VPS13B: variants seen among roughly 807,000 people sequenced by gnomAD.
VPS13B encodes intermembrane lipid transfer protein VPS13B.
Under a neutral mutation model 426.4 loss-of-function variants are expected in VPS13B, and 285 were observed. The ratio of observed to expected loss-of-function variants is 0.67; its 90% CI spans 0.61 to 0.74. The LOEUF (loss-of-function observed/expected upper bound fraction) is 0.74. VPS13B is among the 30% of genes least tolerant of loss of function. The pLI is 0.00. For synonymous variants in VPS13B, 1,676 were observed against 1,676.4 expected, an observed-to-expected ratio of 1.00 and a Z score of 0.01; for missense variants, 4,537 against 4,782.6, an observed-to-expected ratio of 0.95 and a Z score of 1.51.
rs35822371 is a variant in VPS13B at position 99,034,414 on chromosome 8, GT to G, written c.148-3995del. 4.5e-4 allele frequency among the ~76,000 whole-genome samples: 65 copies of G among 144,620 alleles called. 1 individual carries two copies. The highest frequency in any genetic ancestry group is 6.9e-3 in the Middle Eastern group (2 of 288). The allele number at this position is 144,620 out of a possible 152,430, so 94.9% of individuals were successfully genotyped here. A position where few individuals can be genotyped will look rare whatever the true frequency, so the allele number is the denominator to read the frequency against. On this transcript the variant is annotated intron_variant, in intron 2 of 61. Transcript: ENST00000357162. ...TTCAAAGTCAGGAGATTATAAGTCT[GT>G]TTTTTTTTTTTTTAAATTCTCTATG...
Position 99,871,436 on chromosome 8 carries a change from C to T in VPS13B, c.11496-12C>T, listed in dbSNP as rs774422964. ...AGCTGGCCCCTGGCCTCACTTTTCT[C>T]CTTTTAAACAGGAAAATGCTTCAGT... On this transcript the variant is annotated splice_polypyrimidine_tract_variant and intron_variant, in intron 60 of 61. Coordinates refer to ENST00000357162, the MANE Select transcript of VPS13B (RefSeq NM_152564.5). The T allele has an allele frequency of 2.5e-6, 4 of 1,614,138 alleles. No homozygotes were observed. Among genetic ancestry groups the T allele is most frequent in the South Asian group, 2.2e-5 (2 of 91,074 alleles).
chr8:99,867,018 T>A (rs894641616), intron 58 of VPS13B, among the ~76,000 whole-genome samples: 2 of 152,160 alleles, frequency 1.3e-5, no homozygotes, highest in Non-Finnish European at 2.9e-5. Context: ...TTGCCTCAGG[T>A]CATTCTGAAT....
At chr8:99,810,361 A>G (rs990292958) in intron 44 of VPS13B, among the ~76,000 whole-genome samples, 1 of 152,354 alleles carries the variant, frequency 6.6e-6, no homozygotes, top group African/African-American at 2.4e-5. Flanking sequence ...TTTGTGGGAC[A>G]TGATAGAAAC....
intron 17 of VPS13B, among the ~76,000 whole-genome samples, chr8:99,209,291 A>C (rs1024736270): frequency 8.1e-5 from 12 of 148,272 alleles, no homozygotes; most frequent in Admixed American, 5.4e-4. Context: ...CAAAAAAAAA[A>C]CAAAACAAAA....
At chr8:99,627,273 A>G (rs75634793) in intron 33 of VPS13B, among the ~76,000 whole-genome samples, 6,949 of 152,240 alleles carry the variant, frequency 0.046, 172 homozygotes, top group East Asian at 0.06. Context: ...TTTCAAATGT[A>G]TCACCATAAA....
At position 99,699,640 on chromosome 8, in the gene VPS13B, T is replaced by C; in HGVS notation, c.6162T>C (p.Ser2054=). The C allele has an allele frequency of 6.2e-7, 1 of 1,614,142 alleles. No homozygotes were observed. Among genetic ancestry groups the C allele is most frequent in the Non-Finnish European group, 8.5e-7 (1 of 1,180,022 alleles). The change falls in exon 36 of 62, where the codon AGT becomes AGC. Residue 2054 remains serine, a synonymous_variant. Transcript: ENST00000357162. Reference sequence around the variant, plus strand: ...AAAATGCACACAGTTTGGCACATAGTGAAGAGACTTCAGCCATGTCCAACA... The same window carrying C: ...AAAATGCACACAGTTTGGCACATAGCGAAGAGACTTCAGCCATGTCCAACA... ...KIKNAHSLAH[S]EETSAMSNTM...
At chr8:99,079,501 G>C (rs1845328315) in intron 3 of VPS13B, among the ~76,000 whole-genome samples, 1 of 152,096 alleles carries the variant, frequency 6.6e-6, no homozygotes, top group African/African-American at 2.4e-5. Flanking sequence ...TTTTACTCTA[G>C]TTTATAAATG....
At chr8:99,080,183 CTT>C (rs1588007497) in intron 3 of VPS13B, among the ~76,000 whole-genome samples, 2 of 151,816 alleles carry the variant, frequency 1.3e-5, no homozygotes, top group South Asian at 4.2e-4. Flanking sequence ...TTCTGTCACT[CTT>C]TGGATTTTCC....
chr8:99,394,955 G>A (rs367971153), intron 21 of VPS13B, among the ~76,000 whole-genome samples: 13 of 152,280 alleles, frequency 8.5e-5, no homozygotes, highest in East Asian at 3.9e-4. Flanking sequence ...GAGTAACAGG[G>A]TTTAGATTTA....
intron 3 of VPS13B, among the ~76,000 whole-genome samples, chr8:99,081,377 G>A (rs1464099613): frequency 6.6e-6 from 1 of 152,034 alleles, no homozygotes; most frequent in Non-Finnish European, 1.5e-5. Context: ...GCCTTTATCA[G>A]AAGTATAAAT....
intron 24 of VPS13B, among the ~76,000 whole-genome samples, chr8:99,471,221 C>G (rs1819387259): frequency 6.6e-6 from 1 of 152,044 alleles, no homozygotes; most frequent in Non-Finnish European, 1.5e-5. Context: ...GGAAAACCAA[C>G]AGAAGGGATA....
At chr8:99,220,780 C>CTTTT (rs5893485) in intron 17 of VPS13B, among the ~76,000 whole-genome samples, 79 of 112,846 alleles carry the variant, frequency 7.0e-4, no homozygotes, top group African/African-American at 8.8e-4. Flanking sequence ...TAGTTTTATT[C>CTTTT]TTTTTTTTTT....
At chr8:99,248,281 G>T (rs1817324972) in intron 17 of VPS13B, among the ~76,000 whole-genome samples, 1 of 151,928 alleles carries the variant, frequency 6.6e-6, no homozygotes, top group African/African-American at 2.4e-5. Flanking sequence ...AAAATTTCTT[G>T]TTTTTCTTTG....
chr8:99,218,830 T>A (rs1455349953), intron 17 of VPS13B, among the ~76,000 whole-genome samples: 2 of 152,110 alleles, frequency 1.3e-5, no homozygotes, highest in Non-Finnish European at 1.5e-5. Flanking sequence ...TGTAAACTGG[T>A]TGAGTTTTGG....
chr8:99,392,340 AT>A (rs1563704856), intron 21 of VPS13B, among the ~76,000 whole-genome samples: 1 of 152,130 alleles, frequency 6.6e-6, no homozygotes, highest in East Asian at 1.9e-4. Context: ...TACATATATA[AT>A]TCATCAATAT....
intron 23 of VPS13B, among the ~76,000 whole-genome samples, chr8:99,466,174 A>G (rs1251179176): frequency 2.0e-5 from 3 of 152,132 alleles, no homozygotes; most frequent in Non-Finnish European, 2.9e-5. Context: ...CCATAGGGGA[A>G]AAAATATATA....
At chr8:99,485,781 A>G (rs532347314) in intron 25 of VPS13B, among the ~76,000 whole-genome samples, 96 of 152,342 alleles carry the variant, frequency 6.3e-4, no homozygotes, top group African/African-American at 2.3e-3. Context: ...CAGGAATGCT[A>G]TGTTCAAAGA....
At chr8:99,077,125 G>A (rs1845167855) in intron 3 of VPS13B, among the ~76,000 whole-genome samples, 1 of 151,786 alleles carries the variant, frequency 6.6e-6, no homozygotes, top group African/African-American at 2.4e-5. Context: ...GTGGTTTAGT[G>A]GTAATGAATT....
chr8:99,732,903 A>G (rs1833663308), intron 39 of VPS13B, among the ~76,000 whole-genome samples: 1 of 152,244 alleles, frequency 6.6e-6, no homozygotes, highest in Admixed American at 6.5e-5. Context: ...TGCAAACTGG[A>G]AGAATACTGA....
Sources: allele counts gnomAD v4.1 joint callset (sites outside exome capture counted in the v4.1 genomes callset), GRCh38; gene constraint gnomAD v4.1.1; transcripts MANE v1.5; gene names NCBI Gene and HGNC (gene_info 2026-07-23, HGNC 2026-07-21).